The following RNF217 variants were observed in gnomAD, a reference collection of about 807,000 sequenced individuals.
RNF217 encodes E3 ubiquitin-protein ligase RNF217.
RNF217 carries 31 observed loss-of-function variants against 57.8 expected under a neutral mutation model. That is an observed-to-expected ratio of 0.54 (90% confidence interval 0.40 to 0.72). The LOEUF is 0.72. Among genes scored for constraint, RNF217 ranks in the 30% least tolerant of loss-of-function variants. The pLI is 0.00. For missense variants in RNF217, 696 were observed against 708.3 expected (o/e 0.98, Z 0.20); for synonymous variants, 313 against 294.0 (o/e 1.06, Z -0.66).
chr6:125,081,333 A>G (rs1315629190), intron 4 of RNF217, 103 bp from the exon 5 acceptor site: 2 of 782,504 alleles, frequency 2.6e-6, no homozygotes, highest in East Asian at 2.7e-5. Flanking sequence ...TAATCAGACT[A>G]CTTAAAAAAT....
intron 1 of RNF217, among the ~76,000 whole-genome samples, chr6:124,973,805 C>T (rs1213376895): frequency 2.6e-5 from 4 of 152,086 alleles, no homozygotes; most frequent in Admixed American, 2.0e-4. Context: ...CAGATTCTTC[C>T]AGAACCTAGG....
intron 1 of RNF217, among the ~76,000 whole-genome samples, chr6:125,029,131 A>G (rs188883696): frequency 6.6e-6 from 1 of 152,286 alleles, no homozygotes; most frequent in East Asian, 1.9e-4. Context: ...CAACCTAATT[A>G]CAAACTTTGC....
chr6:125,064,092 T>C (rs1562491909), intron 3 of RNF217, among the ~76,000 whole-genome samples: 1 of 152,200 alleles, frequency 6.6e-6, no homozygotes. Flanking sequence ...TTGCATCTTA[T>C]AGGTATCCTG....
chr6:125,066,880 A>C (rs1787954926), intron 3 of RNF217, among the ~76,000 whole-genome samples: 1 of 152,050 alleles, frequency 6.6e-6, no homozygotes, highest in South Asian at 2.1e-4. Context: ...TTTTAATGAG[A>C]ATTTGTTGTG....
At chr6:125,016,329 G>A (rs1785601060) in intron 1 of RNF217, among the ~76,000 whole-genome samples, 1 of 152,172 alleles carries the variant, frequency 6.6e-6, no homozygotes, top group Non-Finnish European at 1.5e-5. Context: ...AAAAACATCA[G>A]AAGCTTGAGG....
chr6:124,993,106 A>G (rs776002736), intron 1 of RNF217, among the ~76,000 whole-genome samples: 2 of 152,218 alleles, frequency 1.3e-5, no homozygotes, highest in South Asian at 2.1e-4. Context: ...AGTAAAATAT[A>G]CTTGATATAT....
intron 3 of RNF217, among the ~76,000 whole-genome samples, chr6:125,075,291 C>T (rs972792423): frequency 6.6e-6 from 1 of 152,038 alleles, no homozygotes; most frequent in Non-Finnish European, 1.5e-5. Flanking sequence ...TAGGAGGTCT[C>T]ATTTTAGTAA....
chr6:124,962,553 G>A lies in RNF217; in HGVS notation c.9G>A (p.Glu3=), dbSNP rs1221523737. ...GCGGGCCGCGGGCGGCGATGGGCGA[G>A]GAGCAGAGCACGGTGAGCGGCGGCG... MG[E]EQSTVSGGGG... The change falls in exon 1 of 6, where the codon GAG becomes GAA. Residue 3 remains glutamate, a synonymous_variant. Transcript: ENST00000521654. This position sits in a 1 kb window ranked among gnomAD's most constrained non-coding sequence, Gnocchi z 4.6. The A allele has an allele frequency of 1.6e-5, 19 of 1,214,214 alleles. No homozygotes were observed. The highest frequency in any genetic ancestry group is 1.8e-5 in the Non-Finnish European group (18 of 978,384). The allele number at this position is 1,214,214 out of a possible 1,614,324, so 75.2% of individuals were successfully genotyped here. A position where few individuals can be genotyped will look rare whatever the true frequency, so the allele number is the denominator to read the frequency against.
At chr6:125,081,680 G>C (rs910076155) in intron 5 of RNF217, among the ~76,000 whole-genome samples, 173 bp downstream of exon 5, 3 of 152,124 alleles carry the variant, frequency 2.0e-5, no homozygotes, top group Admixed American at 1.3e-4. Context: ...CGTGTTTCCT[G>C]TAGGATATGT....
chr6:125,015,461 C>T (rs1341912330), intron 1 of RNF217, among the ~76,000 whole-genome samples: 4 of 151,864 alleles, frequency 2.6e-5, no homozygotes, highest in South Asian at 2.1e-4. Flanking sequence ...AAACTCTAAA[C>T]GCTGAATGGT....
At chr6:125,022,210 G>A (rs1785872003) in intron 1 of RNF217, among the ~76,000 whole-genome samples, 1 of 152,028 alleles carries the variant, frequency 6.6e-6, no homozygotes, top group Non-Finnish European at 1.5e-5. Context: ...AACAAGTGAG[G>A]CCCACAGCAG....
chr6:124,987,326 T>C (rs1040443199), intron 1 of RNF217, among the ~76,000 whole-genome samples: 6 of 152,160 alleles, frequency 3.9e-5, no homozygotes, highest in African/African-American at 1.2e-4. Flanking sequence ...ATTTTGAAAC[T>C]TTTTTTATTC....
intron 1 of RNF217, chr6:124,971,627 T>C: frequency 5.6e-6 from 1 of 179,384 alleles, no homozygotes; most frequent in South Asian, 8.4e-5. Context: ...AGCTAATTTT[T>C]GTATTTTTAG....
At chr6:125,056,710 A>G (rs1787535962) in intron 2 of RNF217, among the ~76,000 whole-genome samples, 1 of 152,192 alleles carries the variant, frequency 6.6e-6, no homozygotes, top group Admixed American at 6.6e-5. Context: ...GTGACGTGAC[A>G]TAGAGGAGCA....
chr6:125,035,525 C>G (rs555090392), intron 1 of RNF217, among the ~76,000 whole-genome samples: 1 of 152,304 alleles, frequency 6.6e-6, no homozygotes, highest in African/African-American at 2.4e-5. Context: ...CTGCATGTTT[C>G]TCATTGCTTT....
At chr6:125,055,728 G>T (rs539351499) in intron 2 of RNF217, among the ~76,000 whole-genome samples, 1 of 152,116 alleles carries the variant, frequency 6.6e-6, no homozygotes, top group Admixed American at 6.5e-5. Flanking sequence ...CTTAATGTTA[G>T]ATGCATAAGG....
rs1422080782 is a variant in RNF217, at chr6:125,083,299, C to G, written c.*362C>G. 6.1e-6 allele frequency: 1 copy of G among 164,962 alleles called. No homozygotes were observed. The highest frequency in any genetic ancestry group is 1.3e-5 in the Non-Finnish European group (1 of 77,000). 10.2% of individuals were successfully genotyped at this position (164,962 alleles called of 1,614,324 possible). On this transcript the variant is annotated 3_prime_UTR_variant, in exon 6 of 6. Transcript: ENST00000521654. ...CTTGGACTGTCTTTGAACTCTGCAC[C>G]TCCTTCCAGGCCATCTTGTGAGACT...
In RNF217 at chr6:125,085,990, C is replaced by A. The variant is rs1044182464; in HGVS notation, c.*3053C>A. ...TACTTTAACTTATTGAATTAGTCCC[C>A]TGTTGAATGGACTACAAGATTATTT... On this transcript the variant is annotated 3_prime_UTR_variant, in exon 6 of 6. Transcript: ENST00000521654. 6.6e-6 allele frequency: 1 copy of A among 151,870 alleles called. No homozygotes were observed. The highest frequency in any genetic ancestry group is 2.1e-4 in the South Asian group (1 of 4,824). 9.4% of individuals were successfully genotyped at this position (151,870 alleles called of 1,614,324 possible).
chr6:125,085,845 T>C lies in RNF217; in HGVS notation c.*2908T>C, dbSNP rs116066563. ...TTCATTTTATACAAATAGAAAAATA[T>C]TCTTACTGTGCTGTGACTCTTTGTC... On this transcript the variant is annotated 3_prime_UTR_variant, in exon 6 of 6. Transcript: ENST00000521654. 3.9e-3 allele frequency: 598 copies of C among 152,002 alleles called. 4 individuals carry two copies. The highest frequency in any genetic ancestry group is 0.014 in the African/African-American group (571 of 41,504). The allele number at this position is 152,002 out of a possible 1,614,324, so 9.4% of individuals were successfully genotyped here.
Sources: allele counts gnomAD v4.1 joint callset (sites outside exome capture counted in the v4.1 genomes callset), GRCh38; gene constraint gnomAD v4.1.1; non-coding constraint Gnocchi (gnomAD v3.1); transcripts MANE v1.5; gene names NCBI Gene and HGNC (gene_info 2026-07-23, HGNC 2026-07-21).